The following KDM4B variants were observed in gnomAD, a reference collection of about 807,000 sequenced individuals.
The protein encoded by KDM4B is lysine demethylase 4B, also known as lysine-specific demethylase 4B.
Under a neutral mutation model 125.2 loss-of-function variants are expected in KDM4B, and 32 were observed. That is an observed-to-expected ratio of 0.26 (90% CI 0.19 to 0.34). The LOEUF (loss-of-function observed/expected upper bound fraction) is 0.34, where lower values mean the gene tolerates loss of function less well. Ranked by LOEUF, KDM4B falls within the 10% of genes least tolerant of loss-of-function variation. KDM4B has a pLI of 1.00. For missense variants in KDM4B, 1,190 were observed against 1,577.7 expected (o/e 0.75, Z 4.16); for synonymous variants, 721 against 677.9 (o/e 1.06, Z -0.99).
chr19:4,981,572 C>G (rs528998864), intron 1 of KDM4B, among the ~76,000 whole-genome samples: 1 of 152,126 alleles, frequency 6.6e-6, no homozygotes, highest in Non-Finnish European at 1.5e-5. Flanking sequence ...TCCACCTGGA[C>G]GTCCCCCCAG....
At chr19:5,084,862 G>A (rs1331992860) in intron 9 of KDM4B, among the ~76,000 whole-genome samples, 17 of 51,918 alleles carry the variant, frequency 3.3e-4, no homozygotes, top group African/African-American at 6.7e-4. Flanking sequence ...ACCCTCCCCC[G>A]CCCGCCGCCC....
chr19:5,107,762 C>A (rs904040070), intron 9 of KDM4B, among the ~76,000 whole-genome samples: 2 of 152,208 alleles, frequency 1.3e-5, no homozygotes, highest in African/African-American at 2.4e-5. Flanking sequence ...GGTCTCCTCA[C>A]CAGCCCTAGC....
At position 5,082,543 on chromosome 19, in the gene KDM4B, G is replaced by T; in HGVS notation, c.918+39G>T. 1 of 1,536,428 alleles carries T rather than the reference G, an allele frequency of 6.5e-7. No homozygotes were observed. The stretch of plus-strand genomic sequence containing the variant: ...TGCTGGGAACGGGTCCCAGCAGGGC[G>T]GGAGGAGGCTCTTTTTTGCCTCTGC... On this transcript the variant is annotated intron_variant, in intron 9 of 22. Transcript: ENST00000159111. The surrounding 1 kb of genome is among the most constrained non-coding windows in gnomAD (Gnocchi z 5.4).
chr19:5,146,961 A>AAC (rs1555722939), intron 21 of KDM4B, among the ~76,000 whole-genome samples: 1 of 149,558 alleles, frequency 6.7e-6, no homozygotes, highest in Non-Finnish European at 1.5e-5. Context: ...AAAAAAAAAA[A>AAC]ACAAAAACTC....
At chr19:5,088,150 C>T (rs1051421846) in intron 9 of KDM4B, among the ~76,000 whole-genome samples, 19 of 152,174 alleles carry the variant, frequency 1.2e-4, no homozygotes, top group African/African-American at 3.6e-4. Flanking sequence ...ATGTGCCCCC[C>T]GACTCGGGTA....
At chr19:5,122,022 C>A (rs188394184) in intron 11 of KDM4B, among the ~76,000 whole-genome samples, 1 of 152,140 alleles carries the variant, frequency 6.6e-6, no homozygotes, top group African/African-American at 2.4e-5. Flanking sequence ...GCCCTGGGGC[C>A]GCTGAAATGA....
intron 20 of KDM4B, 110 bp downstream of exon 20, chr19:5,144,522 G>T (rs936642662): frequency 9.4e-7 from 1 of 1,063,816 alleles, no homozygotes; most frequent in Non-Finnish European, 1.3e-6. Context: ...GAAGCTAGGA[G>T]TGGCCTGACT....
At chr19:4,979,845 G>A (rs555736765) in intron 1 of KDM4B, among the ~76,000 whole-genome samples, 1 of 152,344 alleles carries the variant, frequency 6.6e-6, no homozygotes, top group South Asian at 2.1e-4. Context: ...GCTCATGCCT[G>A]CAATCCTAGC....
chr19:4,975,664 C>T (rs1175983186), intron 1 of KDM4B, among the ~76,000 whole-genome samples: 1 of 150,606 alleles, frequency 6.6e-6, no homozygotes, highest in Non-Finnish European at 1.5e-5. Context: ...CTGATCTCGG[C>T]TCACTGCAAC....
At chr19:5,004,615 A>T (rs1257229561) in intron 1 of KDM4B, among the ~76,000 whole-genome samples, 1 of 152,112 alleles carries the variant, frequency 6.6e-6, no homozygotes, top group Admixed American at 6.5e-5. Flanking sequence ...TCAGCTCCCC[A>T]GTTTCATGTA....
intron 9 of KDM4B, among the ~76,000 whole-genome samples, chr19:5,106,220 C>T (rs368888247): frequency 4.6e-5 from 7 of 152,292 alleles, no homozygotes; most frequent in Admixed American, 1.3e-4. Context: ...AGTCTGTCCA[C>T]GATGGTTGAA....
At chr19:5,120,403 G>C (rs1277123323) in intron 11 of KDM4B, among the ~76,000 whole-genome samples, 2 of 152,236 alleles carry the variant, frequency 1.3e-5, no homozygotes, top group African/African-American at 4.8e-5. Flanking sequence ...ACAGCCACTT[G>C]TGGGCAGAGG....
chr19:5,135,274 C>T, intron 14 of KDM4B, 65 bp from the exon 15 acceptor site: 2 of 1,146,838 alleles, frequency 1.7e-6, no homozygotes, highest in Non-Finnish European at 2.6e-6. Flanking sequence ...TGAGAGAGGT[C>T]CGCGCCGCCC....
intron 1 of KDM4B, among the ~76,000 whole-genome samples, chr19:4,988,079 C>T (rs1165835533): frequency 6.6e-6 from 1 of 152,208 alleles, no homozygotes; most frequent in Non-Finnish European, 1.5e-5. Context: ...CCTTCCAGCA[C>T]ACGCGAGCAA....
chr19:5,022,939 G>C (rs1412112456), intron 2 of KDM4B, among the ~76,000 whole-genome samples: 1 of 152,106 alleles, frequency 6.6e-6, no homozygotes, highest in Non-Finnish European at 1.5e-5. Context: ...TTTCCCACAT[G>C]GCAGTCGTGG....
At chr19:5,054,768 C>G (rs1266608132) in intron 6 of KDM4B, among the ~76,000 whole-genome samples, 1 of 152,168 alleles carries the variant, frequency 6.6e-6, no homozygotes, top group Non-Finnish European at 1.5e-5. Context: ...AGGCTGCGGC[C>G]AGGAGGGCCG....
intron 3 of KDM4B, among the ~76,000 whole-genome samples, chr19:5,034,290 C>T (rs1287888960): frequency 6.6e-6 from 1 of 152,202 alleles, no homozygotes; most frequent in Non-Finnish European, 1.5e-5. Context: ...TTGGGTTCTT[C>T]CAGTTGCCTG....
Position 5,051,774 on chromosome 19 carries a change from G to A in KDM4B, c.626+4105G>A, listed in dbSNP as rs1194994092. ...CAGCGGGGCGAAGGAGCGCTTGCCC[G>A]GACTGCGACCTTGACCTGCCCATGA... On this transcript the variant is annotated intron_variant, in intron 6 of 22. Transcript: ENST00000159111. 3.3e-5 allele frequency among the ~76,000 whole-genome samples: 5 copies of A among 152,352 alleles called. 1 individual carries two copies. In the South Asian group the frequency reaches 6.2e-4, roughly 19 times the overall value.
At chr19:5,012,633 C>G in intron 1 of KDM4B, among the ~76,000 whole-genome samples, 1 of 152,152 alleles carries the variant, frequency 6.6e-6, no homozygotes, top group African/African-American at 2.4e-5. Context: ...GGTAGGGCGC[C>G]CCTCGATTGG....
Sources: gnomAD v4.1 joint callset for allele counts (sites outside exome capture counted in the v4.1 genomes callset) on GRCh38, gnomAD v4.1.1 for gene constraint, Gnocchi (gnomAD v3.1) non-coding constraint, MANE v1.5 for transcripts, NCBI Gene and HGNC (gene_info 2026-07-23, HGNC 2026-07-21) for gene names.